The following STON1 variants were observed in gnomAD, a reference collection of about 807,000 sequenced individuals.
STON1 encodes the protein stonin 1.
In STON1, 79 loss-of-function variants were observed where a neutral mutation model predicts 60.9. The observed-to-expected ratio is 1.30, with a 90% CI of 1.08 to 1.56. STON1 has a LOEUF of 1.56. Ranked by LOEUF, STON1 falls within the 40% of genes most tolerant of loss-of-function variation. The pLI, the probability that STON1 is intolerant of heterozygous loss-of-function variation, is 0.00. For synonymous variants in STON1, 363 were observed against 306.9 expected, an observed-to-expected ratio of 1.18 and a Z score of -1.91; for missense variants, 1,166 against 858.9, an observed-to-expected ratio of 1.36 and a Z score of -4.47.
chr2:48,586,222 G>A (rs1407996294), intron 2 of STON1, among the ~76,000 whole-genome samples: 1 of 152,200 alleles, frequency 6.6e-6, no homozygotes, highest in African/African-American at 2.4e-5. Flanking sequence ...AGAGTCATTG[G>A]TGTAGTTAAC....
In STON1 at chr2:48,568,713, A is replaced by G. The variant is rs537947632; in HGVS notation, c.-47-11874A>G. On this transcript the variant is annotated intron_variant, in intron 1 of 3. Transcript: ENST00000404752. ...TAGGGCGAGCTGAGTTATGAAAGCC[A>G]TTCTCAGAAATGACCCAAATTTGTA... 6.2e-4 allele frequency among the ~76,000 whole-genome samples: 95 copies of G among 152,358 alleles called. 1 individual carries two copies. The highest frequency in any genetic ancestry group is 2.2e-3 in the African/African-American group (93 of 41,580).
chr2:48,532,437 C>CA (rs10570049), intron 1 of STON1, among the ~76,000 whole-genome samples: 1 of 142,490 alleles, frequency 7.0e-6, no homozygotes, highest in Non-Finnish European at 1.5e-5. Flanking sequence ...AAAGTAAGTC[C>CA]AAAAAAAAAA....
At chr2:48,579,224 C>T (rs377610211) in intron 1 of STON1, among the ~76,000 whole-genome samples, 3 of 151,942 alleles carry the variant, frequency 2.0e-5, no homozygotes, top group Admixed American at 6.5e-5. Context: ...AGGCTGGTCT[C>T]GAACTCCTGA....
chr2:48,566,869 A>G (rs1304396450), intron 1 of STON1, among the ~76,000 whole-genome samples: 1 of 152,150 alleles, frequency 6.6e-6, no homozygotes, highest in Non-Finnish European at 1.5e-5. Flanking sequence ...TGGAAGCAAT[A>G]TTAGTGTTTG....
chr2:48,577,941 C>G (rs574122959), intron 1 of STON1, among the ~76,000 whole-genome samples: 1 of 149,794 alleles, frequency 6.7e-6, no homozygotes. Flanking sequence ...AACAAAAAAC[C>G]CCCCAGAGTT....
rs764120610 is a variant in STON1, at chr2:48,597,129, A to T, written c.*1827A>T. On this transcript the variant is annotated 3_prime_UTR_variant, in exon 4 of 4. Transcript: ENST00000404752. ...CGGCCTCCCAAAGTTCTGGGATTAA[A>T]TGCGTGAGCCACCATGCCCGGCCGC... 2.0e-5 allele frequency: 3 copies of T among 152,210 alleles called. No homozygotes were observed. Among genetic ancestry groups the T allele is most frequent in the Non-Finnish European group, 4.4e-5 (3 of 68,066 alleles). The allele number at this position is 152,210 out of a possible 1,614,324, so 9.4% of individuals were successfully genotyped here.
At chr2:48,552,463 C>G (rs542747448) in intron 1 of STON1, among the ~76,000 whole-genome samples, 3 of 152,118 alleles carry the variant, frequency 2.0e-5, no homozygotes, top group Non-Finnish European at 4.4e-5. Flanking sequence ...TTTAATGCCA[C>G]TAAAGTGTAC....
At chr2:48,587,325 C>T (rs745318844) in intron 2 of STON1, among the ~76,000 whole-genome samples, 2 of 152,118 alleles carry the variant, frequency 1.3e-5, no homozygotes, top group African/African-American at 2.4e-5. Flanking sequence ...CGGAGTCTCG[C>T]TCTGCCACCC....
chr2:48,530,517 C>T (rs1180930893), intron 1 of STON1: 2 of 156,312 alleles, frequency 1.3e-5, no homozygotes, highest in Non-Finnish European at 2.8e-5. Flanking sequence ...GGAATATCGA[C>T]TCAGTTCCGA....
At chr2:48,565,515 C>A (rs1211295001) in intron 1 of STON1, among the ~76,000 whole-genome samples, 2 of 152,252 alleles carry the variant, frequency 1.3e-5, no homozygotes, top group East Asian at 3.9e-4. Flanking sequence ...AAAGGAGGAT[C>A]CCTGAGCAGG....
chr2:48,573,078 T>TG lies in STON1; in HGVS notation c.-47-7508dup, dbSNP rs528041527. 2.4e-3 allele frequency among the ~76,000 whole-genome samples: 362 copies of TG among 152,324 alleles called. 1 individual carries two copies. The highest frequency in any genetic ancestry group is 8.1e-3 in the African/African-American group (336 of 41,582). The stretch of plus-strand genomic sequence containing the variant: ...GTCTTGGCTGGTTTCCAAGGTTGAA[T>TG]GATTGCATTGGTTGAAGCTTCATTA... On this transcript the variant is annotated intron_variant, in intron 1 of 3. Transcript: ENST00000404752.
chr2:48,540,354 T>C (rs887801215), intron 1 of STON1, among the ~76,000 whole-genome samples: 1 of 152,166 alleles, frequency 6.6e-6, no homozygotes, highest in Non-Finnish European at 1.5e-5. Flanking sequence ...CCTTCTGCCC[T>C]CCTTTCACTT....
At chr2:48,542,697 G>A (rs946849810) in intron 1 of STON1, among the ~76,000 whole-genome samples, 4 of 152,082 alleles carry the variant, frequency 2.6e-5, no homozygotes, top group African/African-American at 9.7e-5. Context: ...TTGAGGCCAG[G>A]AGCTCAAGAC....
intron 1 of STON1, among the ~76,000 whole-genome samples, chr2:48,543,765 C>G (rs1671753229): frequency 6.6e-6 from 1 of 152,152 alleles, no homozygotes; most frequent in Admixed American, 6.6e-5. Flanking sequence ...CTCCTAGCCT[C>G]AGGTGATCCG....
rs1182361373 is a variant in STON1, at chr2:48,596,004, A to G, written c.*702A>G. 1 of 152,180 alleles carries G rather than the reference A, an allele frequency of 6.6e-6. No individual in the cohort carries two copies. The highest frequency in any genetic ancestry group is 1.9e-4 in the East Asian group (1 of 5,196). The allele number at this position is 152,180 out of a possible 1,614,324, so 9.4% of individuals were successfully genotyped here. On this transcript the variant is annotated 3_prime_UTR_variant, in exon 4 of 4. Coordinates refer to ENST00000404752, the MANE Select transcript of STON1 (RefSeq NM_006873.4). ...ATTTTAGTATAAATCACTAAGACAT[A>G]TTTCCTTTCACTTGGCAGGATTCCT...
chr2:48,586,138 T>C (rs1185882984), intron 2 of STON1, among the ~76,000 whole-genome samples: 2 of 152,236 alleles, frequency 1.3e-5, no homozygotes, highest in Non-Finnish European at 2.9e-5. Flanking sequence ...AATCATCTTT[T>C]CTAATTTTGG....
At chr2:48,540,093 C>T (rs1362342843) in intron 1 of STON1, among the ~76,000 whole-genome samples, 1 of 152,194 alleles carries the variant, frequency 6.6e-6, no homozygotes, top group African/African-American at 2.4e-5. Flanking sequence ...CCTCAGCTTC[C>T]ATACATTGAC....
At chr2:48,564,599 CCTCCTT>C (rs1249665015) in intron 1 of STON1, among the ~76,000 whole-genome samples, 574 of 43,846 alleles carry the variant, frequency 0.013, 122 homozygotes, top group Non-Finnish European at 0.02. Flanking sequence ...TCCTCCTCCT[CCTCCTT>C]CTCCTTCTCC....
intron 1 of STON1, among the ~76,000 whole-genome samples, chr2:48,564,578 T>TCTC (rs773952778): frequency 0.031 from 975 of 31,680 alleles, 277 homozygotes; most frequent in East Asian, 0.13. Context: ...TCCTTCTCCT[T>TCTC]CTCCTCCTCC....
Sources: gnomAD v4.1 joint callset for allele counts (sites outside exome capture counted in the v4.1 genomes callset) on GRCh38, gnomAD v4.1.1 for gene constraint, MANE v1.5 for transcripts, NCBI Gene and HGNC (gene_info 2026-07-23, HGNC 2026-07-21) for gene names.